The following MYO18B variants were observed in gnomAD, a reference collection of about 807,000 sequenced individuals.
The protein encoded by MYO18B is unconventional myosin-XVIIIb.
MYO18B carries 204 observed loss-of-function variants against 273.0 expected under a neutral mutation model. The ratio of observed to expected loss-of-function variants is 0.75; its 90% confidence interval spans 0.67 to 0.84. The LOEUF (loss-of-function observed/expected upper bound fraction) is 0.84. Among genes scored for constraint, MYO18B ranks in the 40% least tolerant of loss-of-function variants. The pLI is 0.00. For synonymous variants in MYO18B, 1,330 were observed against 1,305.7 expected, an observed-to-expected ratio of 1.02 and a Z score of -0.40; for missense variants, 3,212 against 3,287.6, an observed-to-expected ratio of 0.98 and a Z score of 0.56.
chr22:25,840,440 C>G (rs1482828078), intron 17 of MYO18B, among the ~76,000 whole-genome samples: 1 of 152,210 alleles, frequency 6.6e-6, no homozygotes, highest in African/African-American at 2.4e-5. Flanking sequence ...GATCCTGGCT[C>G]CCTCCCTGGT....
intron 21 of MYO18B, among the ~76,000 whole-genome samples, chr22:25,867,079 T>A (rs2090910086): frequency 6.6e-6 from 1 of 152,052 alleles, no homozygotes; most frequent in Non-Finnish European, 1.5e-5. Flanking sequence ...AAACTTGTAA[T>A]CTTGAAAAAA....
In MYO18B at chr22:25,998,113, C is replaced by T. The variant is rs570389112; in HGVS notation, c.6288-5152C>T. Among the ~76,000 whole-genome samples, 21 of 152,284 alleles carry T rather than the reference C, an allele frequency of 1.4e-4. No individual in the cohort carries two copies. The East Asian group carries it at 1.7e-3, about 13-fold the overall frequency. The stretch of plus-strand genomic sequence containing the variant: ...CATAACAGGCCTTCCAGGCTGGAAA[C>T]GTGGCTACGTGCTCAGAAAGCCAGG... On this transcript the variant is annotated intron_variant, in intron 40 of 43. Transcript: ENST00000335473.
chr22:25,752,997 G>A (rs1454086370), intron 1 of MYO18B, among the ~76,000 whole-genome samples: 1 of 152,212 alleles, frequency 6.6e-6, no homozygotes, highest in Non-Finnish European at 1.5e-5. Context: ...TGGCCCGCCC[G>A]CGCTGCGCTC....
rs925224056 is a variant in MYO18B at position 26,009,620 on chromosome 22, C to G, written c.6470+4765C>G. ...AGAGACACAAATCAGGGGACATTCT[C>G]TAGTCTTTATATTTTCCTGGACTTT... On this transcript the variant is annotated intron_variant, in intron 42 of 43. Transcript: ENST00000335473. Among the ~76,000 whole-genome samples, 7 of 152,296 alleles carry G rather than the reference C, an allele frequency of 4.6e-5. No individual in the cohort carries two copies. In the South Asian group the frequency reaches 1.2e-3, roughly 27 times the overall value.
intron 11 of MYO18B, among the ~76,000 whole-genome samples, chr22:25,785,704 G>A (rs546862465): frequency 6.6e-6 from 1 of 152,300 alleles, no homozygotes; most frequent in East Asian, 1.9e-4. Flanking sequence ...CATAGTATAC[G>A]TAGAGGTAGG....
At chr22:25,998,438 A>G (rs752198486) in intron 40 of MYO18B, among the ~76,000 whole-genome samples, 3 of 152,178 alleles carry the variant, frequency 2.0e-5, no homozygotes, top group African/African-American at 2.4e-5. Flanking sequence ...CTGAAAGTGC[A>G]TAAGTACCAG....
At chr22:26,023,845 G>A (rs1936031919) in intron 42 of MYO18B, among the ~76,000 whole-genome samples, 1 of 152,254 alleles carries the variant, frequency 6.6e-6, no homozygotes, top group Non-Finnish European at 1.5e-5. Context: ...ATACAGGCGT[G>A]TGAATGCCAT....
intron 39 of MYO18B, among the ~76,000 whole-genome samples, chr22:25,968,994 C>T (rs1350571002): frequency 6.6e-6 from 1 of 152,146 alleles, no homozygotes; most frequent in Non-Finnish European, 1.5e-5. Context: ...CCTGAAGGTG[C>T]CCAGGCCTCT....
At position 25,828,720 on chromosome 22, in the gene MYO18B, T is replaced by C. The variant is rs185592772; in HGVS notation, c.2787-56T>C. On this transcript the variant is annotated intron_variant, in intron 14 of 43. Coordinates refer to ENST00000335473, the MANE Select transcript of MYO18B (RefSeq NM_032608.7). ...CAGTTCTGCTGGAGGCTTGGATCAG[T>C]GTGCTCCTAGATTCCATGCCATCTC... 2.6e-3 allele frequency: 4,018 copies of C among 1,528,712 alleles called. 73 individuals are homozygous for C. Among genetic ancestry groups the C allele is most frequent in the Non-Finnish European group, 9.0e-4 (1,009 of 1,118,892 alleles). 94.7% of individuals were successfully genotyped at this position (1,528,712 alleles called of 1,614,324 possible). A position where few individuals can be genotyped will look rare whatever the true frequency, so the allele number is the denominator to read the frequency against.
At chr22:25,824,286 G>T (rs1359671010) in intron 13 of MYO18B, among the ~76,000 whole-genome samples, 3 of 152,106 alleles carry the variant, frequency 2.0e-5, no homozygotes. Flanking sequence ...ATAGGTGGTG[G>T]TCGGAAGTGC....
At chr22:25,796,718 G>A (rs1285869874) in intron 11 of MYO18B, among the ~76,000 whole-genome samples, 6 of 152,200 alleles carry the variant, frequency 3.9e-5, no homozygotes, top group Non-Finnish European at 7.3e-5. Flanking sequence ...ATCCTGAAAG[G>A]AATCTGGACT....
At chr22:25,936,174 C>A (rs1427063870) in intron 34 of MYO18B, among the ~76,000 whole-genome samples, 1 of 152,082 alleles carries the variant, frequency 6.6e-6, no homozygotes, top group African/African-American at 2.4e-5. Flanking sequence ...AGACGGGGAT[C>A]GGGGAGGGCC....
chr22:25,934,020 AT>A (rs1013711780), intron 34 of MYO18B, among the ~76,000 whole-genome samples: 1 of 152,164 alleles, frequency 6.6e-6, no homozygotes, highest in African/African-American at 2.4e-5. Flanking sequence ...AGTTGTTGGC[AT>A]TTTAGCCATT....
At chr22:26,011,769 A>G (rs1034597496) in intron 42 of MYO18B, among the ~76,000 whole-genome samples, 2 of 152,238 alleles carry the variant, frequency 1.3e-5, no homozygotes, top group East Asian at 3.8e-4. Context: ...GACTTGTACC[A>G]TATTGCAATG....
At position 25,914,596 on chromosome 22, in the gene MYO18B, C is replaced by T. The variant is rs562524427; in HGVS notation, c.5364+3546C>T. On this transcript the variant is annotated intron_variant, in intron 33 of 43. Coordinates refer to ENST00000335473, the MANE Select transcript of MYO18B (RefSeq NM_032608.7). ...TCTTGTATCTAGCAAACTTCCTGAACGTTTATTATCTTTCATACTTCATCT... is the reference window on the plus strand; with the variant it reads ...TCTTGTATCTAGCAAACTTCCTGAATGTTTATTATCTTTCATACTTCATCT... Among the ~76,000 whole-genome samples, 97 of 145,714 alleles carry T rather than the reference C, an allele frequency of 6.7e-4. No individual in the cohort carries two copies. The South Asian group carries it at 0.019, about 29-fold the overall frequency.
At position 26,027,560 on chromosome 22, in the gene MYO18B, G is replaced by A; in HGVS notation, c.7586G>A (p.Gly2529Glu). 1 of 1,613,986 alleles carries A rather than the reference G, an allele frequency of 6.2e-7. No individual in the cohort carries two copies. The highest frequency in any genetic ancestry group is 1.1e-5 in the South Asian group (1 of 91,070). ...KSADSIKSRP[G>E]IPRLAGDGGE... ...GCTGACAGCATCAAAAGTCGACCAG[G>A]AATCCCACGACTTGCGGGTGACGGT... The change falls in exon 43 of 44, where the codon GGA becomes GAA. Residue 2529 changes from glycine (G) to glutamate (E), a missense_variant. Gly to Glu is a moderately conservative substitution (Grantham distance 98). Coordinates refer to ENST00000335473, the MANE Select transcript of MYO18B (RefSeq NM_032608.7). This position sits in a 1 kb window ranked among gnomAD's most constrained non-coding sequence, Gnocchi z 4.1.
chr22:25,918,499 A>G (rs1002094032), intron 33 of MYO18B, among the ~76,000 whole-genome samples: 6 of 152,236 alleles, frequency 3.9e-5, no homozygotes, highest in Admixed American at 3.3e-4. Context: ...ATTTCCCATT[A>G]ACCTAATGAG....
intron 32 of MYO18B, among the ~76,000 whole-genome samples, chr22:25,908,997 C>G (rs141511648): frequency 0.012 from 1,893 of 152,314 alleles, 13 homozygotes; most frequent in Middle Eastern, 0.044. Flanking sequence ...TGCAGTTTGT[C>G]ATGGCCTCTT....
At chr22:25,913,868 G>C (rs1370510955) in intron 33 of MYO18B, among the ~76,000 whole-genome samples, 2 of 152,172 alleles carry the variant, frequency 1.3e-5, no homozygotes, top group East Asian at 3.9e-4. Context: ...ATACAGTCGT[G>C]TTAATCAAGC....
Sources: gnomAD v4.1 joint callset for allele counts (sites outside exome capture counted in the v4.1 genomes callset) on GRCh38, gnomAD v4.1.1 for gene constraint, Gnocchi (gnomAD v3.1) non-coding constraint, MANE v1.5 for transcripts, NCBI Gene and HGNC (gene_info 2026-07-23, HGNC 2026-07-21) for gene names.